The following IMMP2L variants were observed in gnomAD, a reference collection of about 807,000 sequenced individuals.
IMMP2L encodes inner mitochondrial membrane peptidase subunit 2.
In IMMP2L, 18 loss-of-function variants were observed where a neutral mutation model predicts 19.3. The ratio of observed to expected loss-of-function variants is 0.93; its 90% CI spans 0.64 to 1.38. The LOEUF is 1.38. IMMP2L is among the 40% of genes most tolerant of loss of function. IMMP2L has a pLI of 0.00. For synonymous variants in IMMP2L, 76 were observed against 73.0 expected, an observed-to-expected ratio of 1.04 and a Z score of -0.21; for missense variants, 233 against 218.2, an observed-to-expected ratio of 1.07 and a Z score of -0.43.
At chr7:111,224,656 T>C (rs1040639483) in intron 3 of IMMP2L, among the ~76,000 whole-genome samples, 2 of 152,104 alleles carry the variant, frequency 1.3e-5, no homozygotes, top group Non-Finnish European at 2.9e-5. Context: ...ACTCCTGAGA[T>C]CCATGAGAAC....
At chr7:111,309,848 T>C (rs1198319399) in intron 3 of IMMP2L, among the ~76,000 whole-genome samples, 1 of 152,190 alleles carries the variant, frequency 6.6e-6, no homozygotes, top group East Asian at 1.9e-4. Context: ...TTACTATTCA[T>C]GTATTACTAT....
intron 5 of IMMP2L, among the ~76,000 whole-genome samples, chr7:110,832,112 A>G (rs931484915): frequency 1.4e-4 from 21 of 152,152 alleles, no homozygotes; most frequent in Admixed American, 1.3e-3. Context: ...AATACAAAAA[A>G]TTAGCTGGGT....
intron 1 of IMMP2L, among the ~76,000 whole-genome samples, chr7:111,527,091 ATCTG>A (rs1846938918): frequency 6.6e-6 from 1 of 152,014 alleles, no homozygotes; most frequent in Non-Finnish European, 1.5e-5. Context: ...TGAGGTAGAT[ATCTG>A]TCTCTGTCTA....
chr7:111,362,821 T>C (rs1829388848), intron 3 of IMMP2L, among the ~76,000 whole-genome samples: 1 of 152,066 alleles, frequency 6.6e-6, no homozygotes, highest in Non-Finnish European at 1.5e-5. Flanking sequence ...AATGAGAAGA[T>C]CTGGGAGGGG....
intron 4 of IMMP2L, among the ~76,000 whole-genome samples, chr7:110,954,416 C>T (rs1373975778): frequency 6.6e-6 from 1 of 151,948 alleles, no homozygotes; most frequent in African/African-American, 2.4e-5. Context: ...TTTATAATCC[C>T]AGAGACAGGA....
At chr7:111,307,676 C>T (rs1823029402) in intron 3 of IMMP2L, among the ~76,000 whole-genome samples, 1 of 151,516 alleles carries the variant, frequency 6.6e-6, no homozygotes, top group Non-Finnish European at 1.5e-5. Flanking sequence ...ATAAGTTTTA[C>T]CATATTCATA....
At chr7:111,048,871 C>T (rs1792710957) in intron 3 of IMMP2L, among the ~76,000 whole-genome samples, 1 of 152,024 alleles carries the variant, frequency 6.6e-6, no homozygotes, top group South Asian at 2.1e-4. Flanking sequence ...GCAGGGACAC[C>T]AAGCTGGTCG....
chr7:110,896,503 G>GCA (rs1459054071), intron 4 of IMMP2L, among the ~76,000 whole-genome samples: 6 of 27,490 alleles, frequency 2.2e-4, no homozygotes, highest in African/African-American at 6.1e-4. Flanking sequence ...CAATTGGATT[G>GCA]TTTGTCTTTT....
intron 3 of IMMP2L, among the ~76,000 whole-genome samples, chr7:111,341,329 T>A (rs1054315763): frequency 6.6e-6 from 1 of 152,052 alleles, no homozygotes; most frequent in African/African-American, 2.4e-5. Context: ...TAGGCACCTG[T>A]CTCTTGCATT....
chr7:110,921,746 C>T (rs780868898), intron 4 of IMMP2L, among the ~76,000 whole-genome samples: 5 of 152,098 alleles, frequency 3.3e-5, no homozygotes, highest in African/African-American at 9.7e-5. Flanking sequence ...TGCTTAACTA[C>T]CCATGGCATA....
In IMMP2L at chr7:110,944,378, T is replaced by C. The variant is rs116563524; in HGVS notation, c.305+19122A>G. On this transcript the variant is annotated intron_variant, in intron 4 of 5. Coordinates refer to ENST00000405709, the MANE Select transcript of IMMP2L (RefSeq NM_032549.4). ...GGAGAAGGATCTGCCACATTCAGGA[T>C]AAAACATGAACACAAGAAGATAAGC... Among the ~76,000 whole-genome samples, 675 of 151,958 alleles carry C rather than the reference T, an allele frequency of 4.4e-3. 7 individuals are homozygous for C. The highest frequency in any genetic ancestry group is 0.016 in the African/African-American group (651 of 41,514).
At chr7:110,686,189 A>G (rs1188975097) in intron 5 of IMMP2L, among the ~76,000 whole-genome samples, 1 of 152,016 alleles carries the variant, frequency 6.6e-6, no homozygotes, top group Admixed American at 6.6e-5. Flanking sequence ...GCTGATCAGT[A>G]CCTGCTAAAA....
intron 3 of IMMP2L, among the ~76,000 whole-genome samples, chr7:111,189,512 AC>A (rs1241118162): frequency 6.6e-6 from 1 of 152,032 alleles, no homozygotes; most frequent in African/African-American, 2.4e-5. Context: ...TTTACACTCT[AC>A]TCATAGATTA....
intron 3 of IMMP2L, among the ~76,000 whole-genome samples, chr7:111,445,840 G>A (rs923596186): frequency 1.4e-4 from 21 of 152,296 alleles, no homozygotes; most frequent in Non-Finnish European, 1.9e-4. Flanking sequence ...GCGCAGGCCA[G>A]TGGGTGCGCG....
chr7:111,168,611 A>G (rs1806094056), intron 3 of IMMP2L, among the ~76,000 whole-genome samples: 1 of 151,974 alleles, frequency 6.6e-6, no homozygotes, highest in Admixed American at 6.6e-5. Context: ...ATATTGCTAT[A>G]TAGATTTTAC....
intron 3 of IMMP2L, among the ~76,000 whole-genome samples, chr7:111,208,450 T>C (rs1810958045): frequency 6.6e-6 from 1 of 152,208 alleles, no homozygotes; most frequent in African/African-American, 2.4e-5. Context: ...ATTACCACAC[T>C]GATACTTACT....
intron 3 of IMMP2L, among the ~76,000 whole-genome samples, chr7:111,236,131 TATTTCTCTC>T (rs1291542860): frequency 2.6e-5 from 4 of 152,170 alleles, no homozygotes; most frequent in African/African-American, 9.7e-5. Flanking sequence ...CTTTGTCTAC[TATTTCTCTC>T]ATTTGTGTTT....
chr7:110,947,705 T>C (rs2129553722), intron 4 of IMMP2L, among the ~76,000 whole-genome samples: 1 of 152,306 alleles, frequency 6.6e-6, no homozygotes, highest in East Asian at 1.9e-4. Flanking sequence ...TAAATAGTCG[T>C]TTACTTTTTG....
chr7:110,775,449 G>A (rs1799321320), intron 5 of IMMP2L, among the ~76,000 whole-genome samples: 1 of 151,986 alleles, frequency 6.6e-6, no homozygotes, highest in South Asian at 2.1e-4. Flanking sequence ...CTAAAGAAGA[G>A]GGCATTTGTA....
Sources: allele counts gnomAD v4.1 joint callset (sites outside exome capture counted in the v4.1 genomes callset), GRCh38; gene constraint gnomAD v4.1.1; transcripts MANE v1.5; gene names NCBI Gene and HGNC (gene_info 2026-07-23, HGNC 2026-07-21).